The following GRK4 variants were observed in gnomAD, a reference collection of about 807,000 sequenced individuals.
GRK4 encodes the protein G protein-coupled receptor kinase 4, also known as G protein-coupled receptor kinase 2-like.
A neutral mutation model predicts 77.9 loss-of-function variants in GRK4; 73 were observed. The observed-to-expected ratio is 0.94, with a 90% CI of 0.78 to 1.14. The LOEUF (loss-of-function observed/expected upper bound fraction) is 1.14, where lower values mean the gene tolerates loss of function less well. GRK4 is among the 50% of genes most tolerant of loss of function. The pLI is 0.00. For synonymous variants in GRK4, 257 were observed against 254.4 expected (o/e 1.01, Z -0.10); for missense variants, 729 against 700.2 (o/e 1.04, Z -0.46).
intron 1 of GRK4, among the ~76,000 whole-genome samples, chr4:2,982,231 G>T (rs1723072957): frequency 6.6e-6 from 1 of 152,238 alleles, no homozygotes; most frequent in Non-Finnish European, 1.5e-5. Context: ...ACCTGTTCCT[G>T]GCTTCCGCCG....
intron 5 of GRK4, among the ~76,000 whole-genome samples, chr4:3,005,805 CATAAATAA>C (rs546295668): frequency 6.6e-6 from 1 of 151,842 alleles, no homozygotes; most frequent in Admixed American, 6.6e-5. Context: ...GACTCTGTCT[CATAAATAA>C]ATAAATAAAT....
intron 10 of GRK4, among the ~76,000 whole-genome samples, chr4:3,023,628 C>T (rs16843735): frequency 0.012 from 1,818 of 152,256 alleles, 35 homozygotes; most frequent in African/African-American, 0.042. Context: ...TCAGACTTGT[C>T]CAAGGTTGTG....
At chr4:3,014,917 A>G (rs1734011719) in intron 8 of GRK4, among the ~76,000 whole-genome samples, 1 of 152,150 alleles carries the variant, frequency 6.6e-6, no homozygotes, top group Non-Finnish European at 1.5e-5. Flanking sequence ...GTGAGCTACC[A>G]CGTCTGGCTG....
In GRK4 at chr4:3,038,419, G is replaced by C. The variant is rs142122011; in HGVS notation, c.1589G>C (p.Ser530Thr). 1.7e-4 allele frequency: 280 copies of C among 1,614,196 alleles called. No homozygotes were observed. The African/African-American group carries it at 3.4e-3, about 20-fold the overall frequency. ...GCFKDINKSESEEALPLDLDK... is the reference protein window; with the variant it reads ...GCFKDINKSETEEALPLDLDK... ...TTCAAAGACATCAACAAAAGTGAAA[G>C]TGAGGAAGCTTTGCCATTAGATCTA... Residue 530 changes from serine to threonine, a missense_variant, in exon 15 of 16, where the codon AGT becomes ACT. Ser to Thr is a moderately conservative substitution (Grantham distance 58). Coordinates refer to ENST00000398052, the MANE Select transcript of GRK4 (RefSeq NM_182982.3).
chr4:2,979,952 T>C (rs1722391019), intron 1 of GRK4, among the ~76,000 whole-genome samples: 1 of 152,258 alleles, frequency 6.6e-6, no homozygotes, highest in African/African-American at 2.4e-5. Flanking sequence ...GTGAAAAGCA[T>C]GAAATGCATG....
chr4:3,032,324 A>G (rs1279010920), intron 12 of GRK4, among the ~76,000 whole-genome samples: 1 of 151,412 alleles, frequency 6.6e-6, no homozygotes, highest in Non-Finnish European at 1.5e-5. Flanking sequence ...CTACTAAAAA[A>G]AAAATTAGCC....
At chr4:2,986,701 A>G (rs1724492916) in intron 2 of GRK4, 1 of 191,226 alleles carries the variant, frequency 5.2e-6, no homozygotes, top group African/African-American at 2.4e-5. Context: ...TTATAGAGAC[A>G]AATATATCAG....
chr4:3,026,539 G>A (rs1437242785), intron 10 of GRK4, among the ~76,000 whole-genome samples: 2 of 152,144 alleles, frequency 1.3e-5, no homozygotes, highest in African/African-American at 4.8e-5. Flanking sequence ...AGACCAGCCT[G>A]GGCAACATGA....
intron 13 of GRK4, among the ~76,000 whole-genome samples, chr4:3,037,075 G>A (rs56125185): frequency 2.3e-4 from 25 of 108,718 alleles, no homozygotes; most frequent in African/African-American, 1.2e-3. Context: ...GTGTGTATGT[G>A]TGTGTGTATG....
At position 3,027,932 on chromosome 4, in the gene GRK4, C is replaced by T. The variant is rs200471975; in HGVS notation, c.991C>T (p.Leu331Phe). The T allele has an allele frequency of 3.5e-5, 57 of 1,613,940 alleles. No homozygotes were observed. The African/African-American group carries it at 6.1e-4, about 17-fold the overall frequency. Residue 331 changes from leucine (L) to phenylalanine (F), a missense_variant, in exon 11 of 16, where the codon CTC becomes TTC. Physicochemically the swap from Leu to Phe is conservative, Grantham distance 22 (BLOSUM62 0). Coordinates refer to ENST00000398052, the MANE Select transcript of GRK4 (RefSeq NM_182982.3). ...CACAGGACACATCCGGATTTCAGAC[C>T]TCGGTTTGGCCACAGAGATCCCAGA... ...DDRGHIRISDLGLATEIPEGQ... is the reference protein window; with the variant it reads ...DDRGHIRISDFGLATEIPEGQ...
At chr4:2,965,299 C>T in intron 1 of GRK4, 1 of 703,036 alleles carries the variant, frequency 1.4e-6, no homozygotes, top group South Asian at 1.5e-5. Flanking sequence ...CGGGAGACCC[C>T]CACAATCCTC....
chr4:3,030,486 T>C (rs1281836020), intron 12 of GRK4, among the ~76,000 whole-genome samples: 1 of 152,158 alleles, frequency 6.6e-6, no homozygotes, highest in East Asian at 1.9e-4. Context: ...CCAGGCACCG[T>C]CCTAGGCATT....
chr4:3,029,905 G>C (rs1032172814), intron 12 of GRK4, among the ~76,000 whole-genome samples: 3 of 152,144 alleles, frequency 2.0e-5, no homozygotes, highest in Admixed American at 2.0e-4. Context: ...TGACTTAATT[G>C]GGTTTTGATT....
rs376621448 is a variant in GRK4 at position 2,988,853 on chromosome 4, C to T, written c.261+14C>T. 61 of 1,466,012 alleles carry T rather than the reference C, an allele frequency of 4.2e-5. No individual in the cohort carries two copies. Among genetic ancestry groups the T allele is most frequent in the Non-Finnish European group, 5.8e-5 (61 of 1,045,222 alleles). 90.8% of individuals were successfully genotyped at this position (1,466,012 alleles called of 1,614,324 possible). A position where few individuals can be genotyped will look rare whatever the true frequency, so the allele number is the denominator to read the frequency against. On this transcript the variant is annotated intron_variant, in intron 3 of 15. Transcript: ENST00000398052. ...TTGGATGCAGTGGTGAGCAGTTTAT[C>T]TCCATATTGAGCAACCACCCAATCT...
At chr4:2,987,986 GA>G (rs1377079348) in intron 2 of GRK4, among the ~76,000 whole-genome samples, 2 of 146,042 alleles carry the variant, frequency 1.4e-5, no homozygotes, top group Admixed American at 1.4e-4. Context: ...TGAGGCATGA[GA>G]ATTGCTTGAA....
rs574853831 is a variant in GRK4 at position 2,981,958 on chromosome 4, G to A, written c.53-2555G>A. Among the ~76,000 whole-genome samples, 75 of 152,380 alleles carry A rather than the reference G, an allele frequency of 4.9e-4. 1 individual carries two copies. The East Asian group carries it at 0.013, about 27-fold the overall frequency. On this transcript the variant is annotated intron_variant, in intron 1 of 15. Coordinates refer to ENST00000398052, the MANE Select transcript of GRK4 (RefSeq NM_182982.3). ...GGCAGGTGGCTGGTGTGTCAGCACC[G>A]CCCCTATCGTGCACACACCTGGCTG...
At chr4:3,008,665 G>C (rs1245379967) in intron 6 of GRK4, among the ~76,000 whole-genome samples, 1 of 152,006 alleles carries the variant, frequency 6.6e-6, no homozygotes, top group African/African-American at 2.4e-5. Context: ...AGCCAGGCAC[G>C]GTGGCATGCA....
chr4:3,024,390 G>A (rs1736867791), intron 10 of GRK4, among the ~76,000 whole-genome samples: 2 of 152,102 alleles, frequency 1.3e-5, no homozygotes, highest in Admixed American at 6.6e-5. Context: ...AGCCTCCCAC[G>A]TAGCTGGAGT....
intron 4 of GRK4, among the ~76,000 whole-genome samples, chr4:2,996,544 G>A (rs1727980514): frequency 6.6e-6 from 1 of 151,608 alleles, no homozygotes; most frequent in African/African-American, 2.4e-5. Flanking sequence ...GACAGAGCGA[G>A]ACTCTGCCTC....
Sources: allele counts gnomAD v4.1 joint callset (sites outside exome capture counted in the v4.1 genomes callset), GRCh38; gene constraint gnomAD v4.1.1; transcripts MANE v1.5; gene names NCBI Gene and HGNC (gene_info 2026-07-23, HGNC 2026-07-21).